OCIAD1: variants seen among roughly 807,000 people sequenced by gnomAD.
OCIAD1 encodes OCIA domain-containing protein 1.
In OCIAD1, 29 loss-of-function variants were observed where a neutral mutation model predicts 38.9. That is an observed-to-expected ratio of 0.74 (90% CI 0.55 to 1.02). OCIAD1 has a LOEUF of 1.02. OCIAD1 is among the 50% of genes least tolerant of loss of function. OCIAD1 has a pLI of 0.00. For synonymous variants in OCIAD1, 110 were observed against 92.0 expected (o/e 1.20, Z -1.12); for missense variants, 288 against 289.6 (o/e 0.99, Z 0.04).
intron 1 of OCIAD1, among the ~76,000 whole-genome samples, chr4:48,808,950 A>G (rs2109485436): frequency 6.6e-6 from 1 of 151,788 alleles, no homozygotes. Context: ...CTCTTTAACA[A>G]CCCTCCTTAG....
At chr4:48,823,824 CTTTTTTTTT>C (rs71660459) in intron 1 of OCIAD1, among the ~76,000 whole-genome samples, 3 of 70,128 alleles carry the variant, frequency 4.3e-5, no homozygotes, top group African/African-American at 1.2e-4. Flanking sequence ...CAATGCCTGG[CTTTTTTTTT>C]TTTTTTTTTT....
intron 3 of OCIAD1, among the ~76,000 whole-genome samples, chr4:48,839,986 G>A (rs1204474593): frequency 6.6e-6 from 1 of 152,108 alleles, no homozygotes; most frequent in African/African-American, 2.4e-5. Flanking sequence ...TGTCTTTTCT[G>A]GATATTAGTG....
chr4:48,844,834 C>G (rs56098760), intron 4 of OCIAD1, among the ~76,000 whole-genome samples: 25,799 of 152,078 alleles, frequency 0.17, 2,910 homozygotes, highest in Middle Eastern at 0.27. Flanking sequence ...TGCCTGTATA[C>G]TGTAAATCAT....
chr4:48,852,848 A>G (rs1360090139), intron 7 of OCIAD1, among the ~76,000 whole-genome samples: 2 of 151,218 alleles, frequency 1.3e-5, no homozygotes, highest in Non-Finnish European at 2.9e-5. Context: ...CCTGAAATTC[A>G]AAAAGGTTTA....
intron 1 of OCIAD1, among the ~76,000 whole-genome samples, chr4:48,823,113 T>C (rs1422344152): frequency 6.6e-6 from 1 of 152,134 alleles, no homozygotes. Context: ...CAGCACTGTT[T>C]ACAATAGCAA....
chr4:48,834,133 G>C (rs746584824), intron 3 of OCIAD1, among the ~76,000 whole-genome samples: 2 of 152,092 alleles, frequency 1.3e-5, no homozygotes, highest in Non-Finnish European at 2.9e-5. Flanking sequence ...GGAAACTGTA[G>C]TCCTTTCAGG....
At chr4:48,824,923 A>T (rs1777233550) in intron 1 of OCIAD1, among the ~76,000 whole-genome samples, 1 of 152,068 alleles carries the variant, frequency 6.6e-6, no homozygotes, top group African/African-American at 2.4e-5. Context: ...TTTAGTAGAG[A>T]CAGGGTTTCA....
intron 1 of OCIAD1, among the ~76,000 whole-genome samples, chr4:48,816,352 G>C (rs1166082864): frequency 6.6e-6 from 1 of 152,110 alleles, no homozygotes; most frequent in Non-Finnish European, 1.5e-5. Context: ...ACAAAATATA[G>C]TCAAGAGATT....
chr4:48,849,089 G>A (rs957632012), intron 5 of OCIAD1, among the ~76,000 whole-genome samples: 1 of 152,068 alleles, frequency 6.6e-6, no homozygotes, highest in African/African-American at 2.4e-5. Flanking sequence ...GGTGGGAATC[G>A]AACAATGAGA....
intron 1 of OCIAD1, among the ~76,000 whole-genome samples, chr4:48,823,824 C>CTGT (rs1777221213): frequency 1.4e-5 from 1 of 70,128 alleles, no homozygotes; most frequent in Non-Finnish European, 2.4e-5. Context: ...CAATGCCTGG[C>CTGT]TTTTTTTTTT....
At chr4:48,812,047 G>C (rs1199064026) in intron 1 of OCIAD1, among the ~76,000 whole-genome samples, 1 of 151,964 alleles carries the variant, frequency 6.6e-6, no homozygotes, top group African/African-American at 2.4e-5. Flanking sequence ...ACTTTGGGAG[G>C]CTGAGGCGGG....
In OCIAD1 at chr4:48,857,370, G is replaced by A; in HGVS notation, c.700+5G>A. On this transcript the variant is annotated splice_donor_5th_base_variant and intron_variant, in intron 8 of 8. Transcript: ENST00000264312. Reference sequence around the variant, plus strand: ...AAAGAGTGCCAAAAAAAGAAGGTATGATAGTTTAGTCTGAATCACTTTACT... The same window carrying A: ...AAAGAGTGCCAAAAAAAGAAGGTATAATAGTTTAGTCTGAATCACTTTACT... The A allele has an allele frequency of 6.5e-7, 1 of 1,530,784 alleles. No individual in the cohort carries two copies. Among genetic ancestry groups the A allele is most frequent in the Non-Finnish European group, 8.8e-7 (1 of 1,142,382 alleles). The allele number at this position is 1,530,784 out of a possible 1,614,324, so 94.8% of individuals were successfully genotyped here.
chr4:48,841,019 A>G (rs950274331), intron 3 of OCIAD1, among the ~76,000 whole-genome samples: 2 of 152,172 alleles, frequency 1.3e-5, no homozygotes, highest in African/African-American at 4.8e-5. Flanking sequence ...TTGTCTAAAA[A>G]CATAAAATAA....
chr4:48,819,686 A>G (rs1777172169), intron 1 of OCIAD1, among the ~76,000 whole-genome samples: 1 of 145,214 alleles, frequency 6.9e-6, no homozygotes, highest in Admixed American at 7.1e-5. Flanking sequence ...TAGGCTCAAA[A>G]TAAAGAGACG....
At chr4:48,821,266 A>T in intron 1 of OCIAD1, among the ~76,000 whole-genome samples, 1 of 152,238 alleles carries the variant, frequency 6.6e-6, no homozygotes, top group Non-Finnish European at 1.5e-5. Context: ...CAATGAATGT[A>T]ATCCATCACA....
At chr4:48,852,876 T>TTTTTTGTTTTTTG (rs146076611) in intron 7 of OCIAD1, among the ~76,000 whole-genome samples, 65,621 of 136,286 alleles carry the variant, frequency 0.48, 16,620 homozygotes, top group African/African-American at 0.58. Flanking sequence ...TTTTTTTTTG[T>TTTTTTGTTTTTTG]TTTTTGTTTT....
intron 7 of OCIAD1, chr4:48,856,256 T>C (rs1324726013): frequency 6.6e-6 from 1 of 152,198 alleles, no homozygotes; most frequent in East Asian, 1.9e-4. Flanking sequence ...AAAGAATAAA[T>C]GTTAGTTCCC....
At chr4:48,847,993 C>T (rs562410396) in intron 4 of OCIAD1, among the ~76,000 whole-genome samples, 30 of 150,354 alleles carry the variant, frequency 2.0e-4, no homozygotes, top group African/African-American at 7.1e-4. Flanking sequence ...AGTTTTATAA[C>T]TTGTCAGTGT....
intron 1 of OCIAD1, among the ~76,000 whole-genome samples, chr4:48,824,092 C>T (rs1777224940): frequency 6.6e-6 from 1 of 152,118 alleles, no homozygotes; most frequent in South Asian, 2.1e-4. Context: ...GATCCTCCCA[C>T]TTCAGCCTCC....
Sources: gnomAD v4.1 joint callset for allele counts (sites outside exome capture counted in the v4.1 genomes callset) on GRCh38, gnomAD v4.1.1 for gene constraint, MANE v1.5 for transcripts, NCBI Gene and HGNC (gene_info 2026-07-23, HGNC 2026-07-21) for gene names.